The following PTPRT variants were observed in gnomAD, a reference collection of about 807,000 sequenced individuals.
The protein encoded by PTPRT is receptor-type tyrosine-protein phosphatase T.
A neutral mutation model predicts 176.8 loss-of-function variants in PTPRT; 56 were observed. The ratio of observed to expected loss-of-function variants is 0.32; its 90% CI spans 0.26 to 0.40. PTPRT has a LOEUF of 0.40. Ranked by LOEUF, PTPRT falls within the 10% of genes least tolerant of loss-of-function variation. The probability of loss-of-function intolerance (pLI) is 1.00; values close to 1 mark genes in which losing one functional copy is unlikely to be tolerated. For missense variants in PTPRT, 1,540 were observed against 1,908.2 expected (o/e 0.81, Z 3.60); for synonymous variants, 783 against 739.0 (o/e 1.06, Z -0.96).
intron 6 of PTPRT, among the ~76,000 whole-genome samples, chr20:42,708,766 C>T (rs2076099123): frequency 1.3e-5 from 2 of 152,224 alleles, no homozygotes; most frequent in African/African-American, 2.4e-5. Context: ...GTACTTCCCT[C>T]TTTTTCCATA....
At chr20:42,122,128 C>T (rs893304774) in intron 19 of PTPRT, among the ~76,000 whole-genome samples, 8 of 152,134 alleles carry the variant, frequency 5.3e-5, no homozygotes, top group Admixed American at 4.6e-4. Flanking sequence ...CTGTGCAATA[C>T]ATACAGTAAC....
At chr20:42,774,135 G>A (rs1001553487) in intron 4 of PTPRT, among the ~76,000 whole-genome samples, 3 of 152,178 alleles carry the variant, frequency 2.0e-5, no homozygotes, top group Non-Finnish European at 4.4e-5. Flanking sequence ...CAGAGATAAT[G>A]AACGCATGCA....
chr20:42,220,989 G>T (rs958706031), intron 15 of PTPRT, among the ~76,000 whole-genome samples: 2 of 152,024 alleles, frequency 1.3e-5, no homozygotes, highest in African/African-American at 2.4e-5. Flanking sequence ...AGTTGGTAGA[G>T]TTTTTTTGTT....
chr20:42,038,264 C>T, the PTPRT span, among the ~76,000 whole-genome samples: 3 of 152,144 alleles, frequency 2.0e-5, no homozygotes, highest in Non-Finnish European at 2.9e-5. Context: ...GGTAAAGTGG[C>T]TCCCTCAAGG....
At chr20:42,035,779 G>A in the PTPRT span, among the ~76,000 whole-genome samples, 1 of 152,278 alleles carries the variant, frequency 6.6e-6, no homozygotes, top group South Asian at 2.1e-4. Flanking sequence ...GTAGACTGTG[G>A]TCATTTCTGG....
At chr20:42,935,554 C>G (rs73271798) in intron 1 of PTPRT, among the ~76,000 whole-genome samples, 1 of 152,172 alleles carries the variant, frequency 6.6e-6, no homozygotes, top group Middle Eastern at 3.2e-3. Flanking sequence ...CATGGCAAGG[C>G]CTCTTTCCAC....
intron 7 of PTPRT, among the ~76,000 whole-genome samples, chr20:42,663,569 T>C (rs767165844): frequency 1.3e-5 from 2 of 152,056 alleles, no homozygotes; most frequent in Non-Finnish European, 2.9e-5. Flanking sequence ...GAACAGGGGC[T>C]CATGTGCTCT....
At chr20:42,108,057 G>GT (rs1207420610) in intron 23 of PTPRT, among the ~76,000 whole-genome samples, 1 of 152,024 alleles carries the variant, frequency 6.6e-6, no homozygotes, top group Non-Finnish European at 1.5e-5. Context: ...GGTCACTCGT[G>GT]TTTTTTTCTT....
intron 9 of PTPRT, among the ~76,000 whole-genome samples, chr20:42,355,167 A>G (rs1394260305): frequency 6.6e-6 from 1 of 152,068 alleles, no homozygotes; most frequent in East Asian, 1.9e-4. Flanking sequence ...GAGTTGATGC[A>G]TACATTCTCC....
At chr20:42,460,679 C>T (rs1179885728) in intron 8 of PTPRT, among the ~76,000 whole-genome samples, 2 of 152,180 alleles carry the variant, frequency 1.3e-5, no homozygotes, top group African/African-American at 4.8e-5. Flanking sequence ...CTCAGGAGAT[C>T]TGATGTTATT....
chr20:42,099,299 G>A (rs1480997660), intron 26 of PTPRT, among the ~76,000 whole-genome samples: 6 of 152,004 alleles, frequency 3.9e-5, no homozygotes, highest in Admixed American at 2.6e-4. Flanking sequence ...CCTGGAAAAC[G>A]GAAATCATAA....
chr20:42,106,125 T>C (rs1027319982), intron 24 of PTPRT, among the ~76,000 whole-genome samples: 8 of 152,206 alleles, frequency 5.3e-5, no homozygotes, highest in Non-Finnish European at 1.0e-4. Flanking sequence ...TTGGAGATAA[T>C]ACTAGGAGCT....
At chr20:42,115,899 G>T in intron 21 of PTPRT, 1 of 612,296 alleles carries the variant, frequency 1.6e-6, no homozygotes. Context: ...GATGGTAGCT[G>T]CTGGACTCCA....
chr20:43,069,729 G>C (rs74171222), intron 1 of PTPRT, among the ~76,000 whole-genome samples: 1 of 152,182 alleles, frequency 6.6e-6, no homozygotes, highest in African/African-American at 2.4e-5. Context: ...GAGCAATTCA[G>C]CTGTGAAATG....
At chr20:43,015,829 T>C (rs1985339477) in intron 1 of PTPRT, among the ~76,000 whole-genome samples, 1 of 151,624 alleles carries the variant, frequency 6.6e-6, no homozygotes, top group Non-Finnish European at 1.5e-5. Flanking sequence ...TCATATAAGT[T>C]ACACCTGTCA....
At chr20:42,949,120 C>T (rs539661619) in intron 1 of PTPRT, among the ~76,000 whole-genome samples, 9 of 152,290 alleles carry the variant, frequency 5.9e-5, no homozygotes, top group East Asian at 1.9e-4. Context: ...GATGCTTCAA[C>T]GGGGAAACTT....
chr20:42,211,991 T>A, intron 15 of PTPRT, among the ~76,000 whole-genome samples: 1 of 109,532 alleles, frequency 9.1e-6, no homozygotes, highest in African/African-American at 3.0e-5. Context: ...GTTCATGTCC[T>A]TTGTAGGGAC....
At chr20:42,331,454 C>T (rs2057963207) in intron 11 of PTPRT, among the ~76,000 whole-genome samples, 1 of 151,172 alleles carries the variant, frequency 6.6e-6, no homozygotes, top group Non-Finnish European at 1.5e-5. Context: ...CATCTGAAAT[C>T]AATTATCTTC....
At chr20:42,877,845 T>C (rs1485833242) in intron 2 of PTPRT, among the ~76,000 whole-genome samples, 1 of 152,158 alleles carries the variant, frequency 6.6e-6, no homozygotes, top group African/African-American at 2.4e-5. Flanking sequence ...TCCAACACTA[T>C]TCTTGCTAAA....
Sources: allele counts gnomAD v4.1 joint callset (sites outside exome capture counted in the v4.1 genomes callset), GRCh38; gene constraint gnomAD v4.1.1; transcripts MANE v1.5; gene names NCBI Gene and HGNC (gene_info 2026-07-23, HGNC 2026-07-21).